Variants in NDUFS1 observed in about 807,000 individuals in gnomAD.
NDUFS1 encodes the protein NADH-ubiquinone oxidoreductase 75 kDa subunit, mitochondrial.
NDUFS1 carries 61 observed loss-of-function variants against 84.4 expected under a neutral mutation model. The ratio of observed to expected loss-of-function variants is 0.72; its 90% CI spans 0.59 to 0.89. The LOEUF (loss-of-function observed/expected upper bound fraction) is 0.89, where lower values mean the gene tolerates loss of function less well. NDUFS1 is among the 40% of genes least tolerant of loss of function. The pLI, the probability that NDUFS1 is intolerant of heterozygous loss-of-function variation, is 0.00. For missense variants in NDUFS1, 891 were observed against 890.0 expected, an observed-to-expected ratio of 1.00 and a Z score of -0.01; for synonymous variants, 275 against 290.0, an observed-to-expected ratio of 0.95 and a Z score of 0.53.
Position 206,116,014 on chromosome 2 carries a change from T to C in NDUFS1, c.*8171A>G. 1.3e-6 allele frequency: 1 copy of C among 767,592 alleles called. No homozygotes were observed. The allele number at this position is 767,592 out of a possible 1,614,324, so 47.5% of individuals were successfully genotyped here. A position where few individuals can be genotyped will look rare whatever the true frequency, so the allele number is the denominator to read the frequency against. On this transcript the variant is annotated 3_prime_UTR_variant, in exon 19 of 19. Coordinates refer to ENST00000233190, the MANE Select transcript of NDUFS1 (RefSeq NM_005006.7). ...AGTTTTTTTTTCCCATGGGTAATGC[T>C]AAAAGTTGCTATTCTAAGTCTTCTA...
chr2:206,150,615 T>C (rs541524571), intron 3 of NDUFS1, among the ~76,000 whole-genome samples: 1 of 152,260 alleles, frequency 6.6e-6, no homozygotes, highest in East Asian at 1.9e-4. Context: ...AGGATGCAGG[T>C]ATAGTAGTGA....
intron 3 of NDUFS1, among the ~76,000 whole-genome samples, chr2:206,150,329 T>C (rs946516630): frequency 1.3e-5 from 2 of 152,328 alleles, no homozygotes; most frequent in Middle Eastern, 3.4e-3. Flanking sequence ...TAGCTGGCTA[T>C]CTGTCTTTGG....
At chr2:206,145,064 G>A (rs757260432) in intron 8 of NDUFS1, 38 bp from the exon 9 acceptor site, 5 of 1,540,526 alleles carry the variant, frequency 3.2e-6, no homozygotes, top group Admixed American at 2.0e-5. Context: ...GGTGCTTTTG[G>A]GAATAAAGAA....
intron 15 of NDUFS1, among the ~76,000 whole-genome samples, chr2:206,129,338 T>C (rs114136328): frequency 0.021 from 3,135 of 152,138 alleles, 53 homozygotes; most frequent in Non-Finnish European, 0.033. Context: ...TCATGGCTCA[T>C]TGCAGCCTCA....
Position 206,149,829 on chromosome 2 carries a change from T to C in NDUFS1, c.250A>G (p.Lys84Glu). 1 of 1,612,890 alleles carries C rather than the reference T, an allele frequency of 6.2e-7. No individual in the cohort carries two copies. Among genetic ancestry groups the C allele is most frequent in the South Asian group, 1.1e-5 (1 of 91,052 alleles). ...NCRMCLVEIEKAPKVVAACAM... is the reference protein window; with the variant it reads ...NCRMCLVEIEEAPKVVAACAM... ...TAGGTATCAAGTACCTTAGGGGCTTTCTCAATTTCAACAAGGCACATCCTG... is the reference window on the plus strand; with the variant it reads ...TAGGTATCAAGTACCTTAGGGGCTTCCTCAATTTCAACAAGGCACATCCTG... Residue 84 changes from lysine (K) to glutamate (E), a missense_variant, in exon 4 of 19, where the codon AAA becomes GAA. Lys to Glu is a moderately conservative substitution (Grantham distance 56). Coordinates refer to ENST00000233190, the MANE Select transcript of NDUFS1 (RefSeq NM_005006.7).
chr2:206,122,747 T>C lies in NDUFS1; in HGVS notation c.*1438A>G, dbSNP rs1163557563. 1 of 152,110 alleles carries C rather than the reference T, an allele frequency of 6.6e-6. No individual in the cohort carries two copies. The highest frequency in any genetic ancestry group is 2.4e-5 in the African/African-American group (1 of 41,414). 9.4% of individuals were successfully genotyped at this position (152,110 alleles called of 1,614,324 possible). On this transcript the variant is annotated 3_prime_UTR_variant, in exon 19 of 19. Transcript: ENST00000233190. ...TAAATTGTGAACATAGTTTTGTTTG[T>C]TTGTTTGAAACAAAGTCTTGCTCTG...
intron 4 of NDUFS1, among the ~76,000 whole-genome samples, 199 bp downstream of exon 4, chr2:206,149,619 T>C (rs1040739890): frequency 1.5e-4 from 22 of 142,244 alleles, no homozygotes; most frequent in African/African-American, 5.1e-4. Context: ...TTATATGACA[T>C]GTGTTTGTAA....
intron 18 of NDUFS1, among the ~76,000 whole-genome samples, chr2:206,124,498 G>C (rs1444788152): frequency 6.6e-6 from 1 of 152,046 alleles, no homozygotes; most frequent in Non-Finnish European, 1.5e-5. Context: ...AGAGCAGCTA[G>C]ACAGTGCACC....
intron 13 of NDUFS1, among the ~76,000 whole-genome samples, chr2:206,134,264 T>C (rs919531301): frequency 1.4e-4 from 21 of 152,134 alleles, no homozygotes; most frequent in African/African-American, 4.8e-4. Context: ...TATTATATAG[T>C]AAGGAGATTT....
intron 1 of NDUFS1, among the ~76,000 whole-genome samples, chr2:206,156,330 T>A (rs1687653135): frequency 6.7e-6 from 1 of 148,684 alleles, no homozygotes. Flanking sequence ...CTCAACACTT[T>A]GGGAGGCCAT....
In NDUFS1 at chr2:206,149,942, A is replaced by C; in HGVS notation, c.154-17T>G. 2.1e-6 allele frequency: 3 copies of C among 1,458,954 alleles called. No homozygotes were observed. The highest frequency in any genetic ancestry group is 1.9e-6 in the Non-Finnish European group (2 of 1,051,948). The allele number at this position is 1,458,954 out of a possible 1,614,324, so 90.4% of individuals were successfully genotyped here. ...CTCACAAGCCTAGAAGTAAAAAAAA[A>C]AAAAAAAAAAAAAAAAGCATTAGAA... On this transcript the variant is annotated splice_polypyrimidine_tract_variant and intron_variant, in intron 3 of 18. Transcript: ENST00000233190.
In NDUFS1 at chr2:206,126,835, T is replaced by G. The variant is rs1691312634; in HGVS notation, c.1894A>C (p.Met632Leu). The G allele has an allele frequency of 1.2e-6, 2 of 1,614,024 alleles. No individual in the cohort carries two copies. The highest frequency in any genetic ancestry group is 2.7e-5 in the African/African-American group (2 of 74,936). Residue 632 changes from methionine (M) to leucine (L), a missense_variant, in exon 17 of 19, where the codon ATG becomes CTG. Met to Leu is a conservative substitution (Grantham distance 15). Transcript: ENST00000233190. ...TCCAGAGTATCATATGGAAGAGTCATTCCAGCAATCTACAACATGTCAGGT... is the reference window on the plus strand; with the variant it reads ...TCCAGAGTATCATATGGAAGAGTCAGTCCAGCAATCTACAACATGTCAGGT... ...IIRALSEIAGMTLPYDTLDQV... is the reference protein window; with the variant it reads ...IIRALSEIAGLTLPYDTLDQV...
intron 18 of NDUFS1, among the ~76,000 whole-genome samples, chr2:206,126,279 T>C (rs1165589167): frequency 6.6e-6 from 1 of 152,250 alleles, no homozygotes; most frequent in Non-Finnish European, 1.5e-5. Context: ...TGCTACACAG[T>C]GACTTTCCTT....
Position 206,138,565 on chromosome 2 carries a change from G to A in NDUFS1, c.1312C>T (p.Leu438Phe). The change falls in exon 13 of 19, where the codon CTC (leucine) becomes TTC (phenylalanine). Residue 438 changes from leucine to phenylalanine, a missense_variant. Coordinates refer to ENST00000233190, the MANE Select transcript of NDUFS1 (RefSeq NM_005006.7). ...CCCAGGTGGTCATATGTGTAAGTGA[G>A]GTCCACTGGACTGCCTATAAGGGCC... ...KVALIGSPVDLTYTYDHLGDS... is the reference protein window; with the variant it reads ...KVALIGSPVDFTYTYDHLGDS... 1 of 1,613,820 alleles carries A rather than the reference G, an allele frequency of 6.2e-7. No individual in the cohort carries two copies. Among genetic ancestry groups the A allele is most frequent in the Admixed American group, 1.7e-5 (1 of 59,998 alleles).
At chr2:206,145,449 C>T (rs1256160212) in intron 8 of NDUFS1, among the ~76,000 whole-genome samples, 1 of 152,108 alleles carries the variant, frequency 6.6e-6, no homozygotes, top group Non-Finnish European at 1.5e-5. Context: ...CACATAAATT[C>T]CTGGCACAGT....
At chr2:206,140,419 G>A (rs1168134350) in intron 12 of NDUFS1, among the ~76,000 whole-genome samples, 1 of 152,034 alleles carries the variant, frequency 6.6e-6, no homozygotes. Flanking sequence ...CAGGAGAATT[G>A]CTTGAACCCA....
At position 206,116,626 on chromosome 2, in the gene NDUFS1, G is replaced by A. The variant is rs1575930190; in HGVS notation, c.*7559C>T. 1 of 468,822 alleles carries A rather than the reference G, an allele frequency of 2.1e-6. No individual in the cohort carries two copies. Among genetic ancestry groups the A allele is most frequent in the Non-Finnish European group, 3.9e-6 (1 of 255,520 alleles). The allele number at this position is 468,822 out of a possible 1,614,324, so 29.0% of individuals were successfully genotyped here. On this transcript the variant is annotated 3_prime_UTR_variant, in exon 19 of 19. Transcript: ENST00000233190. ...CTGGGCCTGGTGTGTTGGCTCACAT[G>A]TGTAATTCCAGAACTTTGGGAGGTC... is the stretch of plus-strand genomic sequence containing the variant.
chr2:206,148,790 G>A (rs1692257396), intron 5 of NDUFS1, among the ~76,000 whole-genome samples: 1 of 152,096 alleles, frequency 6.6e-6, no homozygotes, highest in Admixed American at 6.6e-5. Context: ...CACAAGTTGA[G>A]CAAGTTACTA....
chr2:206,122,469 A>C lies in NDUFS1; in HGVS notation c.*1716T>G, dbSNP rs1691124582. 6.6e-6 allele frequency: 1 copy of C among 151,714 alleles called. No homozygotes were observed. Among genetic ancestry groups the C allele is most frequent in the African/African-American group, 2.4e-5 (1 of 41,326 alleles). The allele number at this position is 151,714 out of a possible 1,614,324, so 9.4% of individuals were successfully genotyped here. A position where few individuals can be genotyped will look rare whatever the true frequency, so the allele number is the denominator to read the frequency against. ...ATTGGTGAAACCCTGTCTCTACTAA[A>C]AATACAAAAATTAGCCAGGTGTGGT... On this transcript the variant is annotated 3_prime_UTR_variant, in exon 19 of 19. Transcript: ENST00000233190.
Sources: gnomAD v4.1 joint callset for allele counts (sites outside exome capture counted in the v4.1 genomes callset) on GRCh38, gnomAD v4.1.1 for gene constraint, MANE v1.5 for transcripts, NCBI Gene and HGNC (gene_info 2026-07-23, HGNC 2026-07-21) for gene names.